The following AP2B1 variants were observed in gnomAD, a reference collection of about 807,000 sequenced individuals.
AP2B1 encodes the protein adaptor related protein complex 2 subunit beta 1, also known as AP-2 complex subunit beta.
A neutral mutation model predicts 102.0 loss-of-function variants in AP2B1; 23 were observed. That is an observed-to-expected ratio of 0.23 (90% CI 0.16 to 0.32). AP2B1 has a LOEUF of 0.32. Among genes scored for constraint, AP2B1 ranks in the 10% least tolerant of loss-of-function variants. AP2B1 has a pLI of 1.00. For synonymous variants in AP2B1, 381 were observed against 421.2 expected (o/e 0.90, Z 1.17); for missense variants, 541 against 1,157.4 (o/e 0.47, Z 7.73).
intron 9 of AP2B1, among the ~76,000 whole-genome samples, chr17:35,635,998 T>C (rs1180948474): frequency 1.4e-4 from 2 of 13,958 alleles, no homozygotes; most frequent in Non-Finnish European, 2.4e-4. Flanking sequence ...CTTGGTAGTA[T>C]TTTTTTTTTT....
chr17:35,722,338 G>A (rs1480733528), intron 21 of AP2B1, among the ~76,000 whole-genome samples: 6 of 152,112 alleles, frequency 3.9e-5, no homozygotes, highest in Non-Finnish European at 8.8e-5. Context: ...CTATATATAA[G>A]GAATAGCTAT....
At chr17:35,665,624 C>T (rs958976256) in intron 14 of AP2B1, among the ~76,000 whole-genome samples, 5 of 152,178 alleles carry the variant, frequency 3.3e-5, no homozygotes, top group African/African-American at 1.2e-4. Context: ...ACTATTTTTG[C>T]ACCATTCTGT....
chr17:35,671,623 C>T (rs570628063), intron 15 of AP2B1, 131 bp from the exon 16 acceptor site: 1 of 894,778 alleles, frequency 1.1e-6, no homozygotes, highest in East Asian at 2.4e-5. Flanking sequence ...ACTAATTTGA[C>T]TCCTAAGAAT....
chr17:35,665,126 C>A (rs79624182), intron 14 of AP2B1, among the ~76,000 whole-genome samples: 1 of 116,286 alleles, frequency 8.6e-6, no homozygotes, highest in Non-Finnish European at 1.7e-5. Context: ...TTTGGAATAG[C>A]TTTTTTTTTT....
intron 14 of AP2B1, chr17:35,660,201 G>C (rs886100548): frequency 6.4e-6 from 3 of 468,986 alleles, no homozygotes; most frequent in East Asian, 3.0e-4. Flanking sequence ...GGCTCATCTT[G>C]AACTCCTGGG....
chr17:35,690,675 C>T (rs2076023584), intron 18 of AP2B1, among the ~76,000 whole-genome samples: 1 of 152,302 alleles, frequency 6.6e-6, no homozygotes, highest in Non-Finnish European at 1.5e-5. Context: ...GCTACCAGTC[C>T]TAAGCCTTTG....
At chr17:35,649,416 G>A (rs2075029282) in intron 12 of AP2B1, among the ~76,000 whole-genome samples, 1 of 151,986 alleles carries the variant, frequency 6.6e-6, no homozygotes, top group South Asian at 2.1e-4. Context: ...TTATAGGCAT[G>A]TGCCACCTTG....
intron 4 of AP2B1, among the ~76,000 whole-genome samples, 160 bp downstream of exon 4, chr17:35,606,000 G>A (rs2142387818): frequency 6.6e-6 from 1 of 152,298 alleles, no homozygotes; most frequent in South Asian, 2.1e-4. Flanking sequence ...TTCAAACCAT[G>A]TGCTGAGCTT....
At chr17:35,693,764 C>A (rs1245289384) in intron 18 of AP2B1, among the ~76,000 whole-genome samples, 1 of 38,454 alleles carries the variant, frequency 2.6e-5, no homozygotes, top group Non-Finnish European at 5.9e-5. Flanking sequence ...CACAGAACTT[C>A]TCGATTCCAT....
intron 20 of AP2B1, among the ~76,000 whole-genome samples, chr17:35,716,003 C>G (rs1555589703): frequency 1.3e-5 from 2 of 152,114 alleles, no homozygotes; most frequent in Non-Finnish European, 2.9e-5. Context: ...ATTGGCATCT[C>G]CAACACCTAT....
At chr17:35,624,003 A>G (rs1374802719) in intron 5 of AP2B1, among the ~76,000 whole-genome samples, 3 of 152,216 alleles carry the variant, frequency 2.0e-5, no homozygotes, top group Non-Finnish European at 2.9e-5. Flanking sequence ...CTACACAACT[A>G]TAAGATTATT....
chr17:35,663,922 A>T (rs918247303), intron 14 of AP2B1, among the ~76,000 whole-genome samples: 1 of 152,172 alleles, frequency 6.6e-6, no homozygotes, highest in Admixed American at 6.5e-5. Context: ...AGCAAGAGGA[A>T]CAGATTGTTC....
At chr17:35,659,720 A>G in intron 14 of AP2B1, 1 of 822,786 alleles carries the variant, frequency 1.2e-6, no homozygotes, top group Non-Finnish European at 1.5e-6. Flanking sequence ...AAATTTTAAC[A>G]TTTCCTGACT....
intron 12 of AP2B1, among the ~76,000 whole-genome samples, chr17:35,646,073 CATTCCTGGT>C (rs1406762545): frequency 2.6e-5 from 4 of 152,186 alleles, no homozygotes; most frequent in Admixed American, 1.3e-4. Context: ...CTTTCAGTGG[CATTCCTGGT>C]ATGTTAAAAT....
intron 21 of AP2B1, among the ~76,000 whole-genome samples, chr17:35,719,878 G>A (rs1262495361): frequency 6.6e-6 from 1 of 152,134 alleles, no homozygotes; most frequent in Non-Finnish European, 1.5e-5. Flanking sequence ...CTTCCTGTAA[G>A]TGACCTGAGA....
intron 5 of AP2B1, among the ~76,000 whole-genome samples, chr17:35,616,361 G>GTTA (rs2074020372): frequency 6.6e-6 from 1 of 151,288 alleles, no homozygotes; most frequent in Non-Finnish European, 1.5e-5. Flanking sequence ...AGAGACGGGG[G>GTTA]GTTTCACCGT....
chr17:35,630,537 A>G (rs1455049939), intron 9 of AP2B1, among the ~76,000 whole-genome samples: 4 of 152,184 alleles, frequency 2.6e-5, no homozygotes, highest in Non-Finnish European at 2.9e-5. Context: ...CAAGACTGCC[A>G]TTGTCTTATG....
chr17:35,636,855 T>G (rs912524216), intron 10 of AP2B1, among the ~76,000 whole-genome samples: 1 of 152,226 alleles, frequency 6.6e-6, no homozygotes, highest in Non-Finnish European at 1.5e-5. Flanking sequence ...TTGGATGATA[T>G]ATCGTATAGC....
intron 18 of AP2B1, among the ~76,000 whole-genome samples, chr17:35,686,852 G>A (rs111784162): frequency 0.044 from 6,729 of 152,258 alleles, 175 homozygotes; most frequent in African/African-American, 0.068. Context: ...TGTAGTCCCA[G>A]CTAATTGGGA....
Sources: allele counts gnomAD v4.1 joint callset (sites outside exome capture counted in the v4.1 genomes callset), GRCh38; gene constraint gnomAD v4.1.1; transcripts MANE v1.5; gene names NCBI Gene and HGNC (gene_info 2026-07-23, HGNC 2026-07-21).